HIPK3: variants seen among roughly 807,000 people sequenced by gnomAD.
HIPK3 encodes the protein homeodomain interacting protein kinase 3.
HIPK3 carries 47 observed loss-of-function variants against 124.2 expected under a neutral mutation model. The observed-to-expected ratio is 0.38, with a 90% confidence interval of 0.30 to 0.48. The LOEUF (loss-of-function observed/expected upper bound fraction) is 0.48. Among genes scored for constraint, HIPK3 ranks in the 20% least tolerant of loss-of-function variants. The pLI, the probability that HIPK3 is intolerant of heterozygous loss-of-function variation, is 0.98. For missense variants in HIPK3, 1,286 were observed against 1,454.3 expected (o/e 0.88, Z 1.88); for synonymous variants, 482 against 515.2 (o/e 0.94, Z 0.87).
chr11:33,314,192 C>T (rs1852428485), intron 2 of HIPK3, among the ~76,000 whole-genome samples: 1 of 152,172 alleles, frequency 6.6e-6, no homozygotes, highest in Non-Finnish European at 1.5e-5. Context: ...CTTGGACTGT[C>T]ACTCAGACTG....
chr11:33,345,527 G>T (rs1211791036), intron 8 of HIPK3, among the ~76,000 whole-genome samples: 1 of 152,074 alleles, frequency 6.6e-6, no homozygotes. Context: ...TCATCTTAAG[G>T]CATTGCTTGT....
intron 2 of HIPK3, among the ~76,000 whole-genome samples, chr11:33,322,827 GA>G (rs1404534405): frequency 6.6e-6 from 1 of 151,226 alleles, no homozygotes; most frequent in South Asian, 2.1e-4. Flanking sequence ...CTCCGTCTCA[GA>G]AAAAAAAACT....
At position 33,287,356 on chromosome 11, in the gene HIPK3, A is replaced by G; in HGVS notation, c.942A>G (p.Lys314=). ...TGGCCACTGCACTGAAAAAATTGAA[A>G]AGTCTTGGTTTAATTCATGCTGATC... ...QQVATALKKL[K]SLGLIHADLK... Residue 314 remains lysine, a synonymous_variant, in exon 2 of 17, where the codon AAA becomes AAG. Transcript: ENST00000303296. 6.2e-7 allele frequency: 1 copy of G among 1,614,134 alleles called. No individual in the cohort carries two copies. Among genetic ancestry groups the G allele is most frequent in the Non-Finnish European group, 8.5e-7 (1 of 1,180,016 alleles).
intron 2 of HIPK3, among the ~76,000 whole-genome samples, chr11:33,309,904 CA>C (rs1852271750): frequency 6.6e-6 from 1 of 152,056 alleles, no homozygotes. Flanking sequence ...ATTTATAAGT[CA>C]AGTTATGAGT....
chr11:33,341,241 T>C, intron 7 of HIPK3, 114 bp downstream of exon 7: 1 of 686,432 alleles, frequency 1.5e-6, no homozygotes, highest in East Asian at 2.9e-5. Context: ...TGCTGTGAGG[T>C]CTTACTATAC....
rs1204374840 is a variant in HIPK3, at chr11:33,356,362, T to G, written c.*2794T>G. 1 of 152,100 alleles carries G rather than the reference T, an allele frequency of 6.6e-6. No individual in the cohort carries two copies. Among genetic ancestry groups the G allele is most frequent in the African/African-American group, 2.4e-5 (1 of 41,456 alleles). 9.4% of individuals were successfully genotyped at this position (152,100 alleles called of 1,614,324 possible). A position where few individuals can be genotyped will look rare whatever the true frequency, so the allele number is the denominator to read the frequency against. On this transcript the variant is annotated 3_prime_UTR_variant, in exon 17 of 17. Transcript: ENST00000303296. ...AGCATATTGACAAAGTAATCTGGAT[T>G]TATACCTTTTAAAAACCATTTTGAC...
chr11:33,323,411 T>C (rs898626420), intron 2 of HIPK3, among the ~76,000 whole-genome samples: 8 of 152,174 alleles, frequency 5.3e-5, no homozygotes, highest in African/African-American at 1.9e-4. Context: ...ACCTGGCTAA[T>C]TTTTGTATTT....
chr11:33,287,604 A>G (rs1246571366), intron 2 of HIPK3, 93 bp downstream of exon 2: 1 of 1,320,086 alleles, frequency 7.6e-7, no homozygotes, highest in Admixed American at 2.3e-5. Context: ...AGAAGAGACC[A>G]CTTCAGTTAA....
rs368061213 is a variant in HIPK3, at chr11:33,353,299, C to T, written c.3379C>T (p.Leu1127Phe). The stretch of plus-strand genomic sequence containing the variant: ...ACTTCCATACCCATCATCAGCCACC[C>T]TCAGTAGTGCTGCACCAGTGGCCCA... ...TLLPYPSSAT[L>F]SSAAPVAHLL... The change falls in exon 17 of 17, where the codon CTC (leucine) becomes TTC (phenylalanine). Residue 1127 changes from leucine to phenylalanine, a missense_variant. By Grantham distance (22) the Leu-to-Phe change is conservative. This residue lies in a region of HIPK3 where 810 missense variants were observed against 864.9 expected (regional missense o/e 0.94). Transcript: ENST00000303296. The T allele has an allele frequency of 1.1e-5, 17 of 1,614,090 alleles. No homozygotes were observed. The African/African-American group carries it at 2.1e-4, about 20-fold the overall frequency.
chr11:33,347,179 C>CA (rs368444636), intron 8 of HIPK3, 114 bp from the exon 9 acceptor site: 45,628 of 860,632 alleles, frequency 0.053, 9 homozygotes, highest in Middle Eastern at 0.065. Flanking sequence ...GGCCCTGTCT[C>CA]AAAAAAAAAA....
intron 2 of HIPK3, among the ~76,000 whole-genome samples, chr11:33,301,349 T>C (rs1388701430): frequency 6.6e-6 from 1 of 152,178 alleles, no homozygotes; most frequent in East Asian, 1.9e-4. Context: ...CCAAACTCCT[T>C]CTCTCCCACC....
At chr11:33,325,564 C>G (rs1009408694) in intron 2 of HIPK3, among the ~76,000 whole-genome samples, 6 of 152,162 alleles carry the variant, frequency 3.9e-5, no homozygotes, top group African/African-American at 1.4e-4. Context: ...TCTTTATAAA[C>G]TCTTGTGCCC....
chr11:33,310,485 T>A (rs954821717), intron 2 of HIPK3, among the ~76,000 whole-genome samples: 1 of 152,020 alleles, frequency 6.6e-6, no homozygotes, highest in African/African-American at 2.4e-5. Context: ...ATTTTTGTAT[T>A]TTTAGTAGAG....
Position 33,287,025 on chromosome 11 carries a change from G to T in HIPK3, c.611G>T (p.Gly204Val). ...KNTYEVLDFL[G>V]RGTFGQVVKC... is the part of the protein sequence containing the mutation. ...ACTTACGAAGTCCTTGATTTTCTTG[G>T]TCGAGGCACGTTTGGCCAGGTAGTT... is the stretch of plus-strand genomic sequence containing the variant. The change falls in exon 2 of 17, where the codon GGT becomes GTT. Residue 204 changes from glycine to valine, a missense_variant. This residue lies in a region of HIPK3 where 251 missense variants were observed against 349.1 expected (regional missense o/e 0.72). Transcript: ENST00000303296. 6.2e-7 allele frequency: 1 copy of T among 1,614,160 alleles called. No individual in the cohort carries two copies. The highest frequency in any genetic ancestry group is 8.5e-7 in the Non-Finnish European group (1 of 1,180,022).
At chr11:33,303,341 G>A (rs1852059443) in intron 2 of HIPK3, among the ~76,000 whole-genome samples, 1 of 152,164 alleles carries the variant, frequency 6.6e-6, no homozygotes, top group Admixed American at 6.5e-5. Context: ...GTCTGTACGT[G>A]TTCTGTACAG....
In HIPK3 at chr11:33,287,127, G is replaced by C; in HGVS notation, c.713G>C (p.Gly238Ala). 6.2e-7 allele frequency: 1 copy of C among 1,614,146 alleles called. No homozygotes were observed. Among genetic ancestry groups the C allele is most frequent in the Non-Finnish European group, 8.5e-7 (1 of 1,180,008 alleles). The change falls in exon 2 of 17, where the codon GGT becomes GCT. Residue 238 changes from glycine to alanine, a missense_variant. By Grantham distance (60) the Gly-to-Ala change is moderately conservative (BLOSUM62 0). Coordinates refer to ENST00000303296, the MANE Select transcript of HIPK3 (RefSeq NM_005734.5). The part of the protein sequence containing the change: ...LKNHPSYARQ[G>A]QIEVSILARL... Reference sequence around the variant, plus strand: ...AATCATCCTTCTTATGCCCGTCAAGGTCAAATAGAAGTGAGCATATTAGCA... The same window carrying C: ...AATCATCCTTCTTATGCCCGTCAAGCTCAAATAGAAGTGAGCATATTAGCA...
intron 8 of HIPK3, among the ~76,000 whole-genome samples, chr11:33,345,663 A>G (rs1014778258): frequency 7.3e-5 from 11 of 151,636 alleles, no homozygotes; most frequent in African/African-American, 2.7e-4. Context: ...CAATATATCT[A>G]CACTGCCTGG....
intron 1 of HIPK3, among the ~76,000 whole-genome samples, chr11:33,270,588 T>A (rs1187001075): frequency 3.3e-5 from 5 of 152,186 alleles, no homozygotes; most frequent in East Asian, 3.9e-4. Context: ...GTGAAAAAAA[T>A]TGGAAAAAAA....
chr11:33,324,338 A>T (rs1456226379), intron 2 of HIPK3, among the ~76,000 whole-genome samples: 1 of 152,214 alleles, frequency 6.6e-6, no homozygotes, highest in Non-Finnish European at 1.5e-5. Context: ...TTGCTTCCCA[A>T]CTTTCCTCAT....
Sources: allele counts gnomAD v4.1 joint callset (sites outside exome capture counted in the v4.1 genomes callset), GRCh38; gene constraint gnomAD v4.1.1; regional missense constraint gnomAD v4.1.1; transcripts MANE v1.5; gene names NCBI Gene and HGNC (gene_info 2026-07-23, HGNC 2026-07-21).